Variants in DACH2 observed in about 807,000 individuals in gnomAD.
The protein encoded by DACH2 is dachshund family transcription factor 2, also known as dachshund homolog 2.
DACH2 carries 17 observed loss-of-function variants against 35.8 expected under a neutral mutation model. The observed-to-expected ratio is 0.48, with a 90% CI of 0.33 to 0.71. The LOEUF is 0.71. Among genes scored for constraint, DACH2 ranks in the 30% least tolerant of loss-of-function variants. The pLI, the probability that DACH2 is intolerant of heterozygous loss-of-function variation, is 0.02. For synonymous variants in DACH2, 195 were observed against 177.3 expected (o/e 1.10, Z -0.79); for missense variants, 469 against 472.7 (o/e 0.99, Z 0.07).
chrX:86,277,126 G>C (rs1304468714), intron 1 of DACH2, among the ~76,000 whole-genome samples: 1 of 111,248 alleles, frequency 9.0e-6, no homozygotes, highest in Non-Finnish European at 1.9e-5. Flanking sequence ...TGGGTAGTAT[G>C]GATATTTTAA....
At chrX:86,755,411 G>A (rs1348623562) in intron 7 of DACH2, among the ~76,000 whole-genome samples, 3 of 110,422 alleles carry the variant, frequency 2.7e-5, no homozygotes, top group Non-Finnish European at 5.7e-5. Flanking sequence ...TGTGCAAAAA[G>A]CCTTTTAGTT....
chrX:86,444,065 G>T (rs2037217543), intron 2 of DACH2, among the ~76,000 whole-genome samples: 1 of 111,165 alleles, frequency 9.0e-6, no homozygotes, highest in South Asian at 3.7e-4. Flanking sequence ...ATTTGAGATA[G>T]AATTGGTAGT....
chrX:86,773,390 C>T (rs1441952600), intron 7 of DACH2, among the ~76,000 whole-genome samples: 1 of 111,363 alleles, frequency 9.0e-6, no homozygotes, highest in Non-Finnish European at 1.9e-5. Flanking sequence ...TAAATTGCTC[C>T]TTAAGGAAAA....
intron 3 of DACH2, among the ~76,000 whole-genome samples, chrX:86,623,625 A>G (rs776935569): frequency 2.7e-5 from 3 of 111,976 alleles, no homozygotes; most frequent in Non-Finnish European, 5.6e-5. Context: ...GAGCAATGTG[A>G]AGATACTCCT....
chrX:86,460,468 C>T (rs749541700), intron 2 of DACH2, among the ~76,000 whole-genome samples: 7 of 110,617 alleles, frequency 6.3e-5, no homozygotes, highest in Admixed American at 4.9e-4. Context: ...GGTCAAATTT[C>T]ATTTTTAGAA....
chrX:86,795,845 C>G (rs1205116629), intron 7 of DACH2, among the ~76,000 whole-genome samples: 1 of 88,212 alleles, frequency 1.1e-5, no homozygotes, highest in African/African-American at 3.7e-5. Context: ...AAAGTTGGTG[C>G]GTCTGGAGTT....
At chrX:86,198,075 C>A (rs1188054566) in intron 1 of DACH2, among the ~76,000 whole-genome samples, 4 of 111,999 alleles carry the variant, frequency 3.6e-5, no homozygotes, top group African/African-American at 9.7e-5. Flanking sequence ...TCTCAGACCA[C>A]AGCACAATCA....
chrX:86,779,017 T>C (rs2042064474), intron 7 of DACH2, among the ~76,000 whole-genome samples: 1 of 112,055 alleles, frequency 8.9e-6, no homozygotes, highest in South Asian at 3.7e-4. Flanking sequence ...GAGACAAAAT[T>C]GCCTGCTCTT....
intron 5 of DACH2, among the ~76,000 whole-genome samples, chrX:86,711,458 C>T (rs918649678): frequency 7.2e-5 from 8 of 111,064 alleles, no homozygotes; most frequent in African/African-American, 3.3e-5. Flanking sequence ...GCATAATGTC[C>T]GCGAAGTCAA....
chrX:86,434,857 G>A (rs2037041941), intron 2 of DACH2, among the ~76,000 whole-genome samples: 1 of 111,593 alleles, frequency 9.0e-6, no homozygotes, highest in African/African-American at 3.3e-5. Context: ...GCCTCAGGAA[G>A]CTTATAATCA....
chrX:86,770,803 C>T (rs1480617431), intron 7 of DACH2, among the ~76,000 whole-genome samples: 1 of 112,210 alleles, frequency 8.9e-6, no homozygotes, highest in Non-Finnish European at 1.9e-5. Flanking sequence ...GGACTATGTT[C>T]TTATTTTCAG....
At chrX:86,663,891 G>T (rs1387623622) in intron 4 of DACH2, among the ~76,000 whole-genome samples, 1 of 111,597 alleles carries the variant, frequency 9.0e-6, no homozygotes, top group Non-Finnish European at 1.9e-5. Flanking sequence ...ATCATCATAA[G>T]ATCCTAATGT....
chrX:86,333,276 T>C (rs1286620080), intron 1 of DACH2, among the ~76,000 whole-genome samples: 1 of 112,243 alleles, frequency 8.9e-6, no homozygotes, highest in Non-Finnish European at 1.9e-5. Context: ...TAATTACATA[T>C]TTAAAAATCA....
At chrX:86,376,149 G>GTA (rs1360178894) in intron 1 of DACH2, among the ~76,000 whole-genome samples, 1 of 93,993 alleles carries the variant, frequency 1.1e-5, no homozygotes, top group Non-Finnish European at 2.1e-5. Context: ...GTGTGTGTGT[G>GTA]TATGTGTGTG....
intron 1 of DACH2, among the ~76,000 whole-genome samples, chrX:86,261,503 C>A (rs1488418373): frequency 2.7e-5 from 3 of 111,415 alleles, no homozygotes; most frequent in African/African-American, 9.8e-5. Context: ...TTGTGGCTTT[C>A]CAAAGAGTGA....
At chrX:86,663,259 A>G (rs755325972) in intron 4 of DACH2, among the ~76,000 whole-genome samples, 1 of 111,702 alleles carries the variant, frequency 9.0e-6, no homozygotes, top group Non-Finnish European at 1.9e-5. Flanking sequence ...ATGGGCACAG[A>G]TTCTAAAGAG....
chrX:86,478,369 A>G (rs1190456879), intron 2 of DACH2, among the ~76,000 whole-genome samples: 2 of 110,593 alleles, frequency 1.8e-5, no homozygotes, highest in African/African-American at 6.6e-5. Context: ...TATTTTTGCC[A>G]GACATACTAT....
chrX:86,631,646 AGTTAATT>A (rs751052793), intron 3 of DACH2, among the ~76,000 whole-genome samples: 60 of 112,247 alleles, frequency 5.3e-4, no homozygotes, highest in Non-Finnish European at 1.0e-3. Context: ...CATTACATTT[AGTTAATT>A]GTAAACCTCA....
chrX:86,810,860 A>T (rs1428094336), intron 7 of DACH2, among the ~76,000 whole-genome samples: 4 of 111,868 alleles, frequency 3.6e-5, no homozygotes, highest in African/African-American at 9.7e-5. Flanking sequence ...TATAAAAAAA[A>T]AAGTAGAGAG....
Sources: allele counts gnomAD v4.1 joint callset (sites outside exome capture counted in the v4.1 genomes callset), GRCh38; gene constraint gnomAD v4.1.1; transcripts MANE v1.5; gene names NCBI Gene and HGNC (gene_info 2026-07-23, HGNC 2026-07-21).